GEMIN5: variants seen among roughly 807,000 people sequenced by gnomAD.
The protein encoded by GEMIN5 is gem nuclear organelle associated protein 5, also known as gem-associated protein 5.
GEMIN5 carries 124 observed loss-of-function variants against 176.9 expected under a neutral mutation model. The ratio of observed to expected loss-of-function variants is 0.70; its 90% confidence interval spans 0.61 to 0.81. The LOEUF is 0.81. Among genes scored for constraint, GEMIN5 ranks in the 40% least tolerant of loss-of-function variants. GEMIN5 has a pLI of 0.00. For synonymous variants in GEMIN5, 673 were observed against 665.2 expected, an observed-to-expected ratio of 1.01 and a Z score of -0.18; for missense variants, 1,843 against 1,814.6, an observed-to-expected ratio of 1.02 and a Z score of -0.28.
rs1260821851 is a variant in GEMIN5 at position 154,927,432 on chromosome 5, T to C, written c.1033A>G (p.Thr345Ala). The stretch of plus-strand genomic sequence containing the variant: ...AGTAATAGCTGTTTGTCATCCTCTG[T>C]TTGTAAAGGACATAAATTAAACACA... ...RIVFNLCPLQ[T>A]EDDKQLLLST... Residue 345 changes from threonine to alanine, a missense_variant, in exon 7 of 28, where the codon ACA (threonine) becomes GCA (alanine). Thr to Ala is a moderately conservative substitution (Grantham distance 58, BLOSUM62 0). Transcript: ENST00000285873. 6.3e-7 allele frequency: 1 copy of C among 1,595,106 alleles called. No homozygotes were observed. Among genetic ancestry groups the C allele is most frequent in the South Asian group, 1.1e-5 (1 of 90,700 alleles).
At chr5:154,896,927 T>C (rs1386411467) in intron 23 of GEMIN5, among the ~76,000 whole-genome samples, 1 of 152,240 alleles carries the variant, frequency 6.6e-6, no homozygotes, top group Non-Finnish European at 1.5e-5. Context: ...TGTACTCCTA[T>C]AACAATATCT....
At chr5:154,919,301 C>T (rs1359238873) in intron 11 of GEMIN5, among the ~76,000 whole-genome samples, 1 of 152,088 alleles carries the variant, frequency 6.6e-6, no homozygotes, top group African/African-American at 2.4e-5. Context: ...CACTGCACTC[C>T]AGCCTGAGTG....
At chr5:154,894,322 C>T (rs945652870) in intron 24 of GEMIN5, among the ~76,000 whole-genome samples, 7 of 152,146 alleles carry the variant, frequency 4.6e-5, no homozygotes, top group Non-Finnish European at 1.0e-4. Flanking sequence ...AGTTGATGGA[C>T]ATTTGGGTTG....
intron 5 of GEMIN5, among the ~76,000 whole-genome samples, chr5:154,930,065 G>A (rs942721928): frequency 6.6e-6 from 1 of 151,826 alleles, no homozygotes; most frequent in African/African-American, 2.4e-5. Flanking sequence ...AACCTTTTTC[G>A]ATTACCTGCT....
rs770491920 is a variant in GEMIN5, at chr5:154,917,947, G to A, written c.1657C>T (p.Leu553Phe). The part of the protein sequence containing the change: ...SWKADGKIMA[L>F]GNEDGSIEIF... ...AATACATACCCATCTTCATTGCCAAGAGCCATGATTTTGCCATCTGCTTTC... is the reference window on the plus strand; with the variant it reads ...AATACATACCCATCTTCATTGCCAAAAGCCATGATTTTGCCATCTGCTTTC... The change falls in exon 12 of 28, where the codon CTT (leucine) becomes TTT (phenylalanine). Residue 553 changes from leucine (L) to phenylalanine (F), a missense_variant. Transcript: ENST00000285873. 23 of 1,609,908 alleles carry A rather than the reference G, an allele frequency of 1.4e-5. No individual in the cohort carries two copies. Among genetic ancestry groups the A allele is most frequent in the Non-Finnish European group, 2.0e-5 (23 of 1,176,476 alleles).
chr5:154,927,292 T>C, intron 7 of GEMIN5, 93 bp downstream of exon 7: 2 of 725,646 alleles, frequency 2.8e-6, no homozygotes, highest in East Asian at 5.1e-5. Context: ...GGTGGAGTAT[T>C]ACGACTTGAC....
At chr5:154,905,296 C>A (rs190795088) in intron 17 of GEMIN5, 67 bp downstream of exon 17, 14 of 669,612 alleles carry the variant, frequency 2.1e-5, no homozygotes, top group Non-Finnish European at 3.4e-5. Context: ...TTGACAGTTG[C>A]GTGTAATATA....
rs373366218 is a variant in GEMIN5, at chr5:154,902,554, C to T, written c.2851G>A (p.Ala951Thr). Reference protein sequence around the residue: ...ERGELTDNLVAMAPAAGYHVW... With the variant: ...ERGELTDNLVTMAPAAGYHVW... ...AAAACCATACCTGCTGGTGCCATAGCCACAAGGTTGTCTGTCAGCTCCCCT... is the reference window on the plus strand; with the variant it reads ...AAAACCATACCTGCTGGTGCCATAGTCACAAGGTTGTCTGTCAGCTCCCCT... The change falls in exon 20 of 28, where the codon GCT (alanine) becomes ACT (threonine). Residue 951 changes from alanine to threonine, a missense_variant. By Grantham distance (58) the Ala-to-Thr change is moderately conservative (BLOSUM62 0). Transcript: ENST00000285873. 3.7e-6 allele frequency: 6 copies of T among 1,613,910 alleles called. No homozygotes were observed. The African/African-American group carries it at 6.7e-5, about 18-fold the overall frequency.
At position 154,926,060 on chromosome 5, in the gene GEMIN5, G is replaced by T; in HGVS notation, c.1095C>A (p.Asp365Glu). 1 of 1,609,882 alleles carries T rather than the reference G, an allele frequency of 6.2e-7. No homozygotes were observed. The highest frequency in any genetic ancestry group is 8.5e-7 in the Non-Finnish European group (1 of 1,176,312). Residue 365 changes from aspartate to glutamate, a missense_variant, in exon 8 of 28, where the codon GAC (aspartate) becomes GAA (glutamate). Transcript: ENST00000285873. ...TSMDRDVKCW[D>E]IATLECSWTL... ...TCCAGCTGCACTCCAAGGTGGCTAT[G>T]TCCCAACATTTTACCTGCAAAGATT...
At chr5:154,925,636 TCTTA>T (rs1219310040) in intron 8 of GEMIN5, among the ~76,000 whole-genome samples, 2 of 152,192 alleles carry the variant, frequency 1.3e-5, no homozygotes, top group Non-Finnish European at 2.9e-5. Context: ...ATTTCTAACT[TCTTA>T]CTATTAGAAA....
intron 7 of GEMIN5, 45 bp from the exon 8 acceptor site, chr5:154,926,119 G>GA (rs1582672948): frequency 1.6e-6 from 2 of 1,289,526 alleles, no homozygotes. Flanking sequence ...AAAGAACAGA[G>GA]AAATAGGAAA....
intron 26 of GEMIN5, 121 bp downstream of exon 26, chr5:154,891,120 T>A: frequency 5.7e-6 from 3 of 526,222 alleles, no homozygotes; most frequent in Non-Finnish European, 9.1e-6. Flanking sequence ...GGTGGTGAAC[T>A]CCTGGGCCAA....
At chr5:154,906,110 C>A (rs1763562397) in intron 16 of GEMIN5, among the ~76,000 whole-genome samples, 1 of 152,140 alleles carries the variant, frequency 6.6e-6, no homozygotes, top group Admixed American at 6.5e-5. Context: ...ATCCTCCCCT[C>A]CTCAGCCTCC....
intron 11 of GEMIN5, among the ~76,000 whole-genome samples, chr5:154,918,965 C>T (rs1341121987): frequency 6.6e-6 from 1 of 152,088 alleles, no homozygotes; most frequent in African/African-American, 2.4e-5. Context: ...CACTTGATTC[C>T]AGGAGGTGGA....
At chr5:154,924,407 C>T in intron 9 of GEMIN5, 62 bp downstream of exon 9, 1 of 905,760 alleles carries the variant, frequency 1.1e-6, no homozygotes, top group Non-Finnish European at 1.8e-6. Context: ...TATTCTAGAG[C>T]AGGGGTGGCC....
chr5:154,891,126 G>A, intron 26 of GEMIN5, 115 bp downstream of exon 26: 4 of 893,646 alleles, frequency 4.5e-6, no homozygotes, highest in Non-Finnish European at 6.7e-6. Context: ...GAACTCCTGG[G>A]CCAAGTGATC....
chr5:154,907,349 T>C (rs1014432222), intron 16 of GEMIN5, among the ~76,000 whole-genome samples: 3 of 152,078 alleles, frequency 2.0e-5, no homozygotes, highest in Non-Finnish European at 2.9e-5. Context: ...CTTGCCCAAG[T>C]TGAATAAGAA....
At chr5:154,893,954 T>C (rs917127882) in intron 24 of GEMIN5, among the ~76,000 whole-genome samples, 1 of 152,168 alleles carries the variant, frequency 6.6e-6, no homozygotes, top group South Asian at 2.1e-4. Flanking sequence ...CTTTTTACTT[T>C]CTTTTTTTGA....
chr5:154,896,479 CAT>C, intron 23 of GEMIN5, 136 bp from the exon 24 acceptor site: 1 of 772,962 alleles, frequency 1.3e-6, no homozygotes, highest in Non-Finnish European at 1.9e-6. Flanking sequence ...CTACCTGCCC[CAT>C]ATGAGTCATG....
Sources: gnomAD v4.1 joint callset for allele counts (sites outside exome capture counted in the v4.1 genomes callset) on GRCh38, gnomAD v4.1.1 for gene constraint, MANE v1.5 for transcripts, NCBI Gene and HGNC (gene_info 2026-07-23, HGNC 2026-07-21) for gene names.